Variants in CENPE observed in about 807,000 individuals in gnomAD.
CENPE encodes centromere protein E.
A neutral mutation model predicts 336.1 loss-of-function variants in CENPE; 145 were observed. That is an observed-to-expected ratio of 0.43 (90% CI 0.38 to 0.50). The LOEUF (loss-of-function observed/expected upper bound fraction) is 0.50. CENPE is among the 20% of genes least tolerant of loss of function. The probability of loss-of-function intolerance (pLI) is 0.00; values close to 1 mark genes in which losing one functional copy is unlikely to be tolerated. For synonymous variants in CENPE, 1,013 were observed against 984.8 expected (o/e 1.03, Z -0.54); for missense variants, 2,719 against 3,023.3 (o/e 0.90, Z 2.36).
intron 42 of CENPE, among the ~76,000 whole-genome samples, chr4:103,126,651 T>C (rs1196179286): frequency 6.6e-6 from 1 of 151,854 alleles, no homozygotes; most frequent in African/African-American, 2.4e-5. Flanking sequence ...TTAAAAAAAA[T>C]GGATTAATAT....
At chr4:103,118,090 T>C (rs1320565799) in intron 44 of CENPE, among the ~76,000 whole-genome samples, 1 of 152,186 alleles carries the variant, frequency 6.6e-6, no homozygotes, top group Non-Finnish European at 1.5e-5. Context: ...TCTGAGTAAA[T>C]ACCAAGGAAT....
At chr4:103,190,945 G>GAA (rs577578830) in intron 8 of CENPE, among the ~76,000 whole-genome samples, 5 of 129,678 alleles carry the variant, frequency 3.9e-5, no homozygotes, top group African/African-American at 1.4e-4. Flanking sequence ...AACAAATTTA[G>GAA]AAAAAAAAAA....
At chr4:103,141,679 T>C (rs1752573314) in intron 35 of CENPE, 71 bp downstream of exon 35, 2 of 1,147,862 alleles carry the variant, frequency 1.7e-6, no homozygotes, top group Non-Finnish European at 2.5e-6. Flanking sequence ...GGTTGAACCA[T>C]TTTATATCCC....
At chr4:103,128,404 C>A (rs1238960174) in intron 42 of CENPE, among the ~76,000 whole-genome samples, 3 of 152,126 alleles carry the variant, frequency 2.0e-5, no homozygotes, top group African/African-American at 4.8e-5. Flanking sequence ...TTTAACAGTA[C>A]CATCTATCAA....
At position 103,132,785 on chromosome 4, in the gene CENPE, T is replaced by C; in HGVS notation, c.6832A>G (p.Thr2278Ala). ...TTAAGCTTTTCTATATCAAAACGAG[T>C]ATTTAACCACTCTTCCAAAAACTGT... is the stretch of plus-strand genomic sequence containing the variant. ...MTQFLEEWLN[T>A]RFDIEKLKNG... Residue 2278 changes from threonine (T) to alanine (A), a missense_variant, in exon 42 of 49, where the codon ACT becomes GCT. By Grantham distance (58) the Thr-to-Ala change is moderately conservative. Transcript: ENST00000265148. 2 of 1,579,872 alleles carry C rather than the reference T, an allele frequency of 1.3e-6. No homozygotes were observed. Among genetic ancestry groups the C allele is most frequent in the East Asian group, 4.5e-5 (2 of 44,058 alleles).
intron 16 of CENPE, 148 bp from the exon 17 acceptor site, chr4:103,163,701 C>T (rs1367732609): frequency 1.5e-5 from 7 of 451,980 alleles, no homozygotes; most frequent in Non-Finnish European, 2.4e-5. Context: ...ATCAATTGTT[C>T]AAGCTATCGC....
Position 103,182,900 on chromosome 4 carries a change from G to A in CENPE, c.834-9C>T, listed in dbSNP as rs1248167133. 6.2e-7 allele frequency: 1 copy of A among 1,609,570 alleles called. No individual in the cohort carries two copies. The highest frequency in any genetic ancestry group is 1.7e-4 in the Middle Eastern group (1 of 6,034). ...GATAATTTATGAAACCACTTAGCAA[G>A]GAATAAGTTTACAGGAGAAAAAGAT... On this transcript the variant is annotated splice_polypyrimidine_tract_variant and intron_variant, in intron 10 of 48. Coordinates refer to ENST00000265148, the MANE Select transcript of CENPE (RefSeq NM_001813.3).
intron 16 of CENPE, among the ~76,000 whole-genome samples, chr4:103,168,057 C>A (rs548645212): frequency 9.2e-5 from 14 of 151,974 alleles, no homozygotes; most frequent in African/African-American, 3.1e-4. Flanking sequence ...TGTCTCATAG[C>A]AGATTCCGAC....
At chr4:103,108,222 T>TACTTGC (rs1254704178) in intron 48 of CENPE, among the ~76,000 whole-genome samples, 1 of 151,980 alleles carries the variant, frequency 6.6e-6, no homozygotes, top group Non-Finnish European at 1.5e-5. Context: ...TAGTCTTTTG[T>TACTTGC]ACTTGCACTG....
intron 8 of CENPE, among the ~76,000 whole-genome samples, chr4:103,189,320 C>T (rs952743638): frequency 2.0e-5 from 3 of 152,162 alleles, no homozygotes; most frequent in African/African-American, 7.2e-5. Context: ...AAACCAAAGC[C>T]TGGCAGAGAC....
intron 2 of CENPE, 46 bp from the exon 3 acceptor site, chr4:103,196,298 G>A (rs1459316359): frequency 7.3e-7 from 1 of 1,370,354 alleles, no homozygotes; most frequent in Non-Finnish European, 1.0e-6. Flanking sequence ...TAAATCAAAT[G>A]AGTCCACTGT....
chr4:103,186,428 A>G (rs1756774200), intron 8 of CENPE, among the ~76,000 whole-genome samples: 1 of 152,212 alleles, frequency 6.6e-6, no homozygotes. Context: ...TATAAACATG[A>G]CTTATAGATA....
At position 103,145,673 on chromosome 4, in the gene CENPE, T is replaced by C; in HGVS notation, c.4422A>G (p.Glu1474=). 5.1e-6 allele frequency: 8 copies of C among 1,582,050 alleles called. No homozygotes were observed. The highest frequency in any genetic ancestry group is 6.8e-6 in the Non-Finnish European group (8 of 1,171,104). Residue 1474 remains glutamate (E), a synonymous_variant, in exon 31 of 49, where the codon GAA becomes GAG. Transcript: ENST00000265148. The part of the protein sequence containing the change: ...NIKEIVAKHL[E]TEEELKVAHC... ...GAGCAACTTTAAGTTCCTCTTCAGT[T>C]TCCAGGTGCTTTATTATTAGAGGAA...
chr4:103,189,563 C>A (rs1025256752), intron 8 of CENPE, among the ~76,000 whole-genome samples: 19 of 152,160 alleles, frequency 1.2e-4, no homozygotes, highest in Admixed American at 5.2e-4. Flanking sequence ...TCAATAGATG[C>A]AGAAAAGGCC....
chr4:103,132,915 T>C lies in CENPE; in HGVS notation c.6721-19A>G, dbSNP rs1374102408. On this transcript the variant is annotated intron_variant, in intron 41 of 48. Coordinates refer to ENST00000265148, the MANE Select transcript of CENPE (RefSeq NM_001813.3). The stretch of plus-strand genomic sequence containing the variant: ...GAATTTCCTGTGTGAAAAATAAGCG[T>C]CAAATTGTTTAAACATTAGGAAAGT... The C allele has an allele frequency of 2.7e-6, 3 of 1,123,846 alleles. No individual in the cohort carries two copies. The highest frequency in any genetic ancestry group is 3.6e-6 in the Non-Finnish European group (3 of 831,670). 69.6% of individuals were successfully genotyped at this position (1,123,846 alleles called of 1,614,324 possible).
chr4:103,186,412 A>T (rs929489171), intron 8 of CENPE, among the ~76,000 whole-genome samples: 5 of 152,226 alleles, frequency 3.3e-5, no homozygotes, highest in African/African-American at 7.2e-5. Context: ...CATAACCAGA[A>T]ATCTTTATAA....
chr4:103,195,773 C>T (rs1757686452), intron 4 of CENPE, 147 bp downstream of exon 4: 1 of 631,592 alleles, frequency 1.6e-6, no homozygotes, highest in African/African-American at 1.8e-5. Flanking sequence ...TGAATCTATG[C>T]TATGCCTTTC....
Position 103,148,828 on chromosome 4 carries a change from G to A in CENPE, c.3843+16C>T. 6.2e-7 allele frequency: 1 copy of A among 1,602,196 alleles called. No homozygotes were observed. Among genetic ancestry groups the A allele is most frequent in the South Asian group, 1.1e-5 (1 of 88,874 alleles). ...AAGGAAGAAGTGACAAAGGATGAAA[G>A]GAATAAAAGACATACCTCTTCTTGT... On this transcript the variant is annotated intron_variant, in intron 28 of 48. Coordinates refer to ENST00000265148, the MANE Select transcript of CENPE (RefSeq NM_001813.3).
chr4:103,157,109 T>C, intron 24 of CENPE, among the ~76,000 whole-genome samples: 1 of 142,970 alleles, frequency 7.0e-6, no homozygotes. Context: ...CAAAGGTGCA[T>C]ATAAACCAGA....
Sources: gnomAD v4.1 joint callset for allele counts (sites outside exome capture counted in the v4.1 genomes callset) on GRCh38, gnomAD v4.1.1 for gene constraint, MANE v1.5 for transcripts, NCBI Gene and HGNC (gene_info 2026-07-23, HGNC 2026-07-21) for gene names.